MRRF: variants seen among roughly 807,000 people sequenced by gnomAD.
MRRF encodes the protein ribosome-recycling factor, mitochondrial.
Under a neutral mutation model 25.1 loss-of-function variants are expected in MRRF, and 18 were observed. The observed-to-expected ratio is 0.72, with a 90% confidence interval of 0.50 to 1.06. The LOEUF is 1.06. MRRF is among the 50% of genes least tolerant of loss of function. The pLI is 0.00. For synonymous variants in MRRF, 113 were observed against 112.1 expected, an observed-to-expected ratio of 1.01 and a Z score of -0.05; for missense variants, 323 against 319.3, an observed-to-expected ratio of 1.01 and a Z score of -0.09.
Position 122,322,614 on chromosome 9 carries a change from A to G in MRRF, c.786A>G (p.Gly262=), listed in dbSNP as rs377666526. 4 of 1,614,106 alleles carry G rather than the reference A, an allele frequency of 2.5e-6. No homozygotes were observed. The highest frequency in any genetic ancestry group is 8.5e-7 in the Non-Finnish European group (1 of 1,179,990). The change falls in exon 7 of 7, where the codon GGA becomes GGG. Residue 262 remains glycine (G), a synonymous_variant. Coordinates refer to ENST00000344641, the MANE Select transcript of MRRF (RefSeq NM_138777.5). The part of the protein sequence containing the change: ...HLAVKTKELL[G] Reference sequence around the variant, plus strand: ...CAGTGAAGACCAAAGAACTCCTTGGATGAAAGTCCACTGGGGCCAGCAATA... The same window carrying G: ...CAGTGAAGACCAAAGAACTCCTTGGGTGAAAGTCCACTGGGGCCAGCAATA...
intron 5 of MRRF, among the ~76,000 whole-genome samples, chr9:122,306,871 C>T (rs1179854974): frequency 6.6e-6 from 1 of 152,164 alleles, no homozygotes; most frequent in East Asian, 1.9e-4. Flanking sequence ...AATGGTATGT[C>T]TGGTTTAACC....
intron 5 of MRRF, among the ~76,000 whole-genome samples, chr9:122,293,891 G>A (rs1448739721): frequency 6.6e-6 from 1 of 152,104 alleles, no homozygotes; most frequent in Non-Finnish European, 1.5e-5. Flanking sequence ...GAAATTAAGG[G>A]ACTTGCCCGA....
intron 6 of MRRF, among the ~76,000 whole-genome samples, chr9:122,319,874 ATTTTTTTT>A (rs975991164): frequency 4.6e-5 from 6 of 129,990 alleles, no homozygotes; most frequent in African/African-American, 1.5e-4. Context: ...ATTTTCATTA[ATTTTTTTT>A]TTTTTTTTTT....
intron 6 of MRRF, among the ~76,000 whole-genome samples, chr9:122,315,625 T>A (rs1247557272): frequency 6.6e-6 from 1 of 152,180 alleles, no homozygotes; most frequent in Non-Finnish European, 1.5e-5. Context: ...GTTCAGAGAT[T>A]AGGCGGGCCT....
At chr9:122,316,376 A>G (rs1322114429) in intron 6 of MRRF, among the ~76,000 whole-genome samples, 1 of 151,878 alleles carries the variant, frequency 6.6e-6, no homozygotes, top group Admixed American at 6.6e-5. Context: ...AGGTTTCACC[A>G]TGTTTGCCAG....
intron 5 of MRRF, among the ~76,000 whole-genome samples, chr9:122,311,856 GTTC>G (rs1197538709): frequency 6.6e-6 from 1 of 152,146 alleles, no homozygotes; most frequent in Non-Finnish European, 1.5e-5. Flanking sequence ...GCAGGATTAA[GTTC>G]TTGAATCAGT....
At chr9:122,272,710 T>C (rs1832538324) in intron 2 of MRRF, among the ~76,000 whole-genome samples, 1 of 152,234 alleles carries the variant, frequency 6.6e-6, no homozygotes, top group Non-Finnish European at 1.5e-5. Flanking sequence ...TGCTTTTTAC[T>C]TTATGATGTT....
intron 5 of MRRF, among the ~76,000 whole-genome samples, chr9:122,310,130 T>G (rs1835112301): frequency 6.6e-6 from 1 of 152,250 alleles, no homozygotes; most frequent in African/African-American, 2.4e-5. Context: ...GTTTCATTTG[T>G]TTGTTTTTAA....
chr9:122,272,526 C>T (rs1016910792), intron 2 of MRRF, among the ~76,000 whole-genome samples: 1 of 151,622 alleles, frequency 6.6e-6, no homozygotes, highest in South Asian at 2.1e-4. Flanking sequence ...ATTGCTGGGC[C>T]TGGTGGCCTG....
chr9:122,316,314 T>C (rs1411014971), intron 6 of MRRF, among the ~76,000 whole-genome samples: 1 of 152,122 alleles, frequency 6.6e-6, no homozygotes, highest in East Asian at 1.9e-4. Context: ...TAGCTGGGAT[T>C]ACAGGCACGT....
rs116315124 is a variant in MRRF, at chr9:122,304,706, A to C, written c.552-8521A>C. 7.4e-3 allele frequency among the ~76,000 whole-genome samples: 1,127 copies of C among 152,142 alleles called. 11 individuals carry two copies. Among genetic ancestry groups the C allele is most frequent in the African/African-American group, 0.026 (1,097 of 41,490 alleles). ...TCTTCTTTCTCCTTACTGCTCTTGGACGTGTTGGGGAGTAGCATGAATTAT... is the reference window on the plus strand; with the variant it reads ...TCTTCTTTCTCCTTACTGCTCTTGGCCGTGTTGGGGAGTAGCATGAATTAT... On this transcript the variant is annotated intron_variant, in intron 5 of 6. Transcript: ENST00000344641.
chr9:122,288,900 A>T lies in MRRF; in HGVS notation c.460-2849A>T, dbSNP rs138046902. Among the ~76,000 whole-genome samples the T allele has an allele frequency of 2.6e-3, 389 of 152,204 alleles. 1 individual carries two copies. The highest frequency in any genetic ancestry group is 8.6e-3 in the African/African-American group (359 of 41,524). On this transcript the variant is annotated intron_variant, in intron 4 of 6. Coordinates refer to ENST00000344641, the MANE Select transcript of MRRF (RefSeq NM_138777.5). ...GATTTGTGATTTTTCTCAACACTCTACTCCAAGCAGCCACAACCAGTTAGT... is the reference window on the plus strand; with the variant it reads ...GATTTGTGATTTTTCTCAACACTCTTCTCCAAGCAGCCACAACCAGTTAGT...
chr9:122,283,429 C>G (rs1368226170), intron 3 of MRRF, among the ~76,000 whole-genome samples: 2 of 152,068 alleles, frequency 1.3e-5, no homozygotes, highest in Admixed American at 1.3e-4. Context: ...ATTTAGAAAT[C>G]AGGAAACAGG....
rs141656144 is a variant in MRRF at position 122,321,438 on chromosome 9, A to G, written c.712-1102A>G. 9.3e-3 allele frequency among the ~76,000 whole-genome samples: 1,411 copies of G among 152,344 alleles called. 8 individuals are homozygous for G. The highest frequency in any genetic ancestry group is 0.015 in the Non-Finnish European group (1,041 of 68,028). On this transcript the variant is annotated intron_variant, in intron 6 of 6. Transcript: ENST00000344641. ...GATTTTCTAATTTTTGTATTATTAA[A>G]TATAAAGCTGGGATAAATATCTTCG...
chr9:122,307,623 C>T (rs1482151988), intron 5 of MRRF, among the ~76,000 whole-genome samples: 1 of 152,184 alleles, frequency 6.6e-6, no homozygotes, highest in Non-Finnish European at 1.5e-5. Context: ...ACTTATCCCC[C>T]ATTATTTCAT....
At chr9:122,321,491 G>C (rs1835891605) in intron 6 of MRRF, among the ~76,000 whole-genome samples, 1 of 152,160 alleles carries the variant, frequency 6.6e-6, no homozygotes, top group Non-Finnish European at 1.5e-5. Context: ...AATTTTTTCA[G>C]ATCCTGTTCA....
chr9:122,285,036 C>G (rs1038441550), intron 3 of MRRF, 133 bp from the exon 4 acceptor site: 1 of 703,176 alleles, frequency 1.4e-6, no homozygotes, highest in Admixed American at 2.0e-5. Context: ...AGCATTCCTC[C>G]CACTTCACTC....
intron 2 of MRRF, among the ~76,000 whole-genome samples, chr9:122,275,386 A>T (rs988480757): frequency 2.0e-5 from 3 of 152,114 alleles, no homozygotes; most frequent in Non-Finnish European, 2.9e-5. Context: ...TAATTCCAGC[A>T]CTTTGGGAGG....
intron 6 of MRRF, among the ~76,000 whole-genome samples, chr9:122,316,791 A>G (rs1044707815): frequency 2.0e-5 from 3 of 151,498 alleles, no homozygotes; most frequent in Non-Finnish European, 2.9e-5. Flanking sequence ...CGCTCTTAAC[A>G]TTTTGGAATA....
Sources: allele counts gnomAD v4.1 joint callset (sites outside exome capture counted in the v4.1 genomes callset), GRCh38; gene constraint gnomAD v4.1.1; transcripts MANE v1.5; gene names NCBI Gene and HGNC (gene_info 2026-07-23, HGNC 2026-07-21).